Variants in FBXL20 observed in about 807,000 individuals in gnomAD.
FBXL20 encodes the protein F-box and leucine rich repeat protein 20, also known as F-box/LRR-repeat protein 20.
FBXL20 carries 11 observed loss-of-function variants against 64.0 expected under a neutral mutation model. The observed-to-expected ratio is 0.17, with a 90% CI of 0.11 to 0.28. The LOEUF is 0.28. Among genes scored for constraint, FBXL20 ranks in the 10% least tolerant of loss-of-function variants. The pLI, the probability that FBXL20 is intolerant of heterozygous loss-of-function variation, is 1.00. For synonymous variants in FBXL20, 184 were observed against 189.0 expected (o/e 0.97, Z 0.22); for missense variants, 303 against 526.2 (o/e 0.58, Z 4.15).
chr17:39,331,138 G>A (rs755455698), intron 2 of FBXL20, among the ~76,000 whole-genome samples: 6 of 152,184 alleles, frequency 3.9e-5, no homozygotes, highest in East Asian at 1.9e-4. Context: ...ACAGAGTCTC[G>A]CTCTGCGCCC....
intron 14 of FBXL20, among the ~76,000 whole-genome samples, chr17:39,263,001 CAAAAA>C (rs11315365): frequency 6.0e-5 from 9 of 150,492 alleles, no homozygotes; most frequent in Admixed American, 6.0e-4. Flanking sequence ...GACTCTGTCT[CAAAAA>C]AAAAGAACAA....
intron 12 of FBXL20, among the ~76,000 whole-genome samples, chr17:39,268,554 G>T (rs566149573): frequency 6.6e-6 from 1 of 152,204 alleles, no homozygotes; most frequent in Admixed American, 6.5e-5. Flanking sequence ...TAACTCTACA[G>T]GTCTAAGGAA....
chr17:39,382,796 T>C (rs1368366789), intron 1 of FBXL20, among the ~76,000 whole-genome samples: 2 of 152,086 alleles, frequency 1.3e-5, no homozygotes, highest in Non-Finnish European at 2.9e-5. Flanking sequence ...GCTATGATCC[T>C]ACTCTGCACT....
At chr17:39,388,752 G>A (rs2048107535) in intron 1 of FBXL20, among the ~76,000 whole-genome samples, 1 of 149,442 alleles carries the variant, frequency 6.7e-6, no homozygotes, top group African/African-American at 2.4e-5. Context: ...AAAGTGCTGG[G>A]ATTACAGGTG....
chr17:39,305,240 C>G (rs1483298655), intron 2 of FBXL20, among the ~76,000 whole-genome samples: 1 of 152,072 alleles, frequency 6.6e-6, no homozygotes, highest in Non-Finnish European at 1.5e-5. Flanking sequence ...AATTACAAGA[C>G]TCCTTTAACA....
chr17:39,336,696 C>T (rs1441025374), intron 2 of FBXL20, among the ~76,000 whole-genome samples: 6 of 151,732 alleles, frequency 4.0e-5, no homozygotes, highest in African/African-American at 9.7e-5. Flanking sequence ...TGGTGGCGCA[C>T]GCCTGTAATC....
chr17:39,324,886 T>C lies in FBXL20; in HGVS notation c.104+18294A>G, dbSNP rs537000950. Among the ~76,000 whole-genome samples the C allele has an allele frequency of 2.6e-5, 4 of 152,312 alleles. No homozygotes were observed. The South Asian group carries it at 6.2e-4, about 24-fold the overall frequency. ...GTCAATGATGGCATTTGAGATTTAA[T>C]ACTCAAAAAAAGTCAAGGTCAAGAA... On this transcript the variant is annotated intron_variant, in intron 2 of 14. Coordinates refer to ENST00000264658, the MANE Select transcript of FBXL20 (RefSeq NM_032875.3).
rs1471678462 is a variant in FBXL20 at position 39,401,571 on chromosome 17, A to G, written c.-169T>C. 2 of 1,389,098 alleles carry G rather than the reference A, an allele frequency of 1.4e-6. No individual in the cohort carries two copies. Among genetic ancestry groups the G allele is most frequent in the Non-Finnish European group, 1.9e-6 (2 of 1,078,734 alleles). The allele number at this position is 1,389,098 out of a possible 1,614,324, so 86.0% of individuals were successfully genotyped here. ...TCTCGGCTCCGGCTAGGCCTCCACC[A>G]CCTCCCGCGGCGCCGGCGGCCGCAA... is the stretch of plus-strand genomic sequence containing the variant. On this transcript the variant is annotated 5_prime_UTR_variant, in exon 1 of 15. Transcript: ENST00000264658.
At chr17:39,401,175 G>A (rs1363255342) in intron 1 of FBXL20, among the ~76,000 whole-genome samples, 186 bp downstream of exon 1, 1 of 152,224 alleles carries the variant, frequency 6.6e-6, no homozygotes, top group Admixed American at 6.5e-5. Context: ...GAACCGGCGA[G>A]GGGACTGGGG....
At chr17:39,348,560 G>A (rs1421505379) in intron 1 of FBXL20, among the ~76,000 whole-genome samples, 1 of 152,128 alleles carries the variant, frequency 6.6e-6, no homozygotes, top group East Asian at 1.9e-4. Context: ...CCAAAGTGTT[G>A]GGATTACATT....
chr17:39,364,771 G>A lies in FBXL20; in HGVS notation c.43-21530C>T, dbSNP rs118015568. 3.9e-5 allele frequency among the ~76,000 whole-genome samples: 6 copies of A among 152,286 alleles called. No homozygotes were observed. The East Asian group carries it at 1.2e-3, about 29-fold the overall frequency. The stretch of plus-strand genomic sequence containing the variant: ...TGATGAGAGATCATGTGGAGAACAA[G>A]AACTGGCTGACAGCAACACCAAAAG... On this transcript the variant is annotated intron_variant, in intron 1 of 14. Transcript: ENST00000264658.
upstream of FBXL20, chr17:39,402,129 C>T: frequency 8.1e-7 from 1 of 1,232,096 alleles, no homozygotes; most frequent in Non-Finnish European, 1.0e-6. Context: ...TGTAAGGCAC[C>T]CGCATCCTTC....
At chr17:39,348,109 A>T (rs1284273031) in intron 1 of FBXL20, among the ~76,000 whole-genome samples, 10 of 145,378 alleles carry the variant, frequency 6.9e-5, no homozygotes, top group African/African-American at 1.1e-4. Flanking sequence ...TGGTAGAGAG[A>T]GAGTCTCGCA....
At chr17:39,274,935 C>T in intron 10 of FBXL20, 35 bp downstream of exon 10, 3 of 1,611,128 alleles carry the variant, frequency 1.9e-6, no homozygotes, top group Non-Finnish European at 2.5e-6. Context: ...AACTTTTGTT[C>T]TATGATTTTT....
rs1245978482 is a variant in FBXL20 at position 39,313,657 on chromosome 17, C to T, written c.105-10018G>A. 4.7e-5 allele frequency among the ~76,000 whole-genome samples: 7 copies of T among 150,346 alleles called. 1 individual carries two copies. The highest frequency in any genetic ancestry group is 8.9e-5 in the Non-Finnish European group (6 of 67,578). On this transcript the variant is annotated intron_variant, in intron 2 of 14. Coordinates refer to ENST00000264658, the MANE Select transcript of FBXL20 (RefSeq NM_032875.3). ...TTTATTTATTTTTACTTTTTTGAGA[C>T]GGAGTTTTGCTCTTGTTGCCCAGGC...
At chr17:39,317,461 A>G (rs192546126) in intron 2 of FBXL20, among the ~76,000 whole-genome samples, 4 of 152,096 alleles carry the variant, frequency 2.6e-5, no homozygotes, top group Non-Finnish European at 5.9e-5. Context: ...TGAACTTCTT[A>G]CCACGTGATC....
At chr17:39,385,073 T>C (rs543509444) in intron 1 of FBXL20, among the ~76,000 whole-genome samples, 6 of 152,180 alleles carry the variant, frequency 3.9e-5, no homozygotes, top group Non-Finnish European at 5.9e-5. Flanking sequence ...GTAATCCCAA[T>C]TAGCTATGCA....
intron 1 of FBXL20, among the ~76,000 whole-genome samples, chr17:39,354,205 T>C (rs1375717564): frequency 1.3e-5 from 2 of 152,220 alleles, no homozygotes; most frequent in Non-Finnish European, 2.9e-5. Flanking sequence ...GCATCTTTTG[T>C]TTAATGATAT....
At chr17:39,324,978 G>C in intron 2 of FBXL20, among the ~76,000 whole-genome samples, 1 of 152,228 alleles carries the variant, frequency 6.6e-6, no homozygotes, top group East Asian at 1.9e-4. Flanking sequence ...TGCCAAGGAA[G>C]GTGGATGGGT....
Sources: allele counts gnomAD v4.1 joint callset (sites outside exome capture counted in the v4.1 genomes callset), GRCh38; gene constraint gnomAD v4.1.1; transcripts MANE v1.5; gene names NCBI Gene and HGNC (gene_info 2026-07-23, HGNC 2026-07-21).